Variants in KAZN observed in about 807,000 individuals in gnomAD.
KAZN encodes the protein kazrin, periplakin interacting protein.
A neutral mutation model predicts 87.4 loss-of-function variants in KAZN; 40 were observed. That is an observed-to-expected ratio of 0.46 (90% confidence interval 0.36 to 0.60). The LOEUF is 0.60. KAZN is among the 20% of genes least tolerant of loss of function. The pLI, the probability that KAZN is intolerant of heterozygous loss-of-function variation, is 0.00. For synonymous variants in KAZN, 466 were observed against 458.3 expected, an observed-to-expected ratio of 1.02 and a Z score of -0.22; for missense variants, 898 against 1,073.9, an observed-to-expected ratio of 0.84 and a Z score of 2.29.
intron 2 of KAZN, among the ~76,000 whole-genome samples, chr1:14,294,672 C>T (rs1190571801): frequency 3.5e-5 from 5 of 142,612 alleles, no homozygotes; most frequent in Non-Finnish European, 7.7e-5. Context: ...GGGTTTTTGC[C>T]AGGGAAACTG....
At chr1:15,103,562 A>AAATCACAT (rs1157699529) in intron 12 of KAZN, 102 bp downstream of exon 12, 3 of 793,344 alleles carry the variant, frequency 3.8e-6, no homozygotes, top group African/African-American at 3.4e-5. Context: ...ATCAATATGC[A>AAATCACAT]GATCTCATGC....
intron 1 of KAZN, among the ~76,000 whole-genome samples, chr1:14,756,620 G>A (rs1644573814): frequency 6.6e-6 from 1 of 152,186 alleles, no homozygotes; most frequent in Non-Finnish European, 1.5e-5. Flanking sequence ...CTGTTTCATT[G>A]GATGTAGCAC....
intron 1 of KAZN, among the ~76,000 whole-genome samples, chr1:13,990,651 T>G (rs543599402): frequency 2.5e-4 from 38 of 152,272 alleles, no homozygotes; most frequent in Non-Finnish European, 4.6e-4. Flanking sequence ...ATGATACACT[T>G]AAGAGTTTTT....
chr1:15,107,219 A>G (rs973212145), intron 13 of KAZN, among the ~76,000 whole-genome samples: 17 of 152,186 alleles, frequency 1.1e-4, no homozygotes, highest in Non-Finnish European at 1.9e-4. Context: ...TGGGTGATCC[A>G]TGTCCTGCCT....
At chr1:14,115,694 C>T (rs541145802) in intron 1 of KAZN, among the ~76,000 whole-genome samples, 49 of 152,234 alleles carry the variant, frequency 3.2e-4, no homozygotes, top group African/African-American at 6.7e-4. Flanking sequence ...AATGCGGAAG[C>T]GACTTTGGAA....
At chr1:14,538,989 A>C (rs77457509) in intron 2 of KAZN, among the ~76,000 whole-genome samples, 3,773 of 152,286 alleles carry the variant, frequency 0.025, 67 homozygotes, top group Non-Finnish European at 0.04. Flanking sequence ...TCCTCGGCAC[A>C]GTTATTCACT....
intron 1 of KAZN, among the ~76,000 whole-genome samples, chr1:14,852,405 G>A (rs1439337312): frequency 2.0e-5 from 3 of 152,192 alleles, no homozygotes; most frequent in East Asian, 3.9e-4. Flanking sequence ...GCGATCAGAC[G>A]GTGCCAGGCC....
Position 14,142,334 on chromosome 1 carries a change from T to A in KAZN, c.92-38101T>A, listed in dbSNP as rs1367795917. ...TAAAATTCCAATAAAATACACAGTC[T>A]AAAAATGTCTTAGCTTTTAGCTACC... On this transcript the variant is annotated intron_variant, in intron 1 of 16. Transcript: ENST00000636203. Among the ~76,000 whole-genome samples the A allele has an allele frequency of 3.3e-5, 5 of 152,332 alleles. No homozygotes were observed. In the East Asian group the frequency reaches 9.6e-4, roughly 29 times the overall value.
intron 1 of KAZN, among the ~76,000 whole-genome samples, chr1:14,837,399 A>G (rs757178579): frequency 6.6e-6 from 1 of 152,030 alleles, no homozygotes; most frequent in African/African-American, 2.4e-5. Context: ...GGGTTTCTCC[A>G]TGTGGGTCAG....
At chr1:14,446,580 C>A (rs1023958903) in intron 2 of KAZN, among the ~76,000 whole-genome samples, 1 of 152,170 alleles carries the variant, frequency 6.6e-6, no homozygotes, top group African/African-American at 2.4e-5. Context: ...GGGTTGGCAG[C>A]GGTGGTGGTC....
intron 1 of KAZN, among the ~76,000 whole-genome samples, chr1:14,798,656 G>A (rs529208994): frequency 6.6e-5 from 10 of 151,866 alleles, no homozygotes; most frequent in Admixed American, 6.6e-5. Context: ...AAATGGTCTC[G>A]ATCTCCCGAC....
At chr1:14,653,500 TCTCA>T (rs1638582292) in intron 1 of KAZN, among the ~76,000 whole-genome samples, 1 of 152,170 alleles carries the variant, frequency 6.6e-6, no homozygotes, top group South Asian at 2.1e-4. Context: ...GCCAGACCGG[TCTCA>T]GTTTTCCATA....
chr1:14,744,909 G>T (rs898231550), intron 1 of KAZN, among the ~76,000 whole-genome samples: 1 of 152,074 alleles, frequency 6.6e-6, no homozygotes, highest in African/African-American at 2.4e-5. Context: ...GTCACTACCT[G>T]TCCCCAAGGT....
intron 1 of KAZN, among the ~76,000 whole-genome samples, chr1:14,662,962 C>CATATAT (rs1317441585): frequency 8.2e-6 from 1 of 121,750 alleles, no homozygotes; most frequent in African/African-American, 3.2e-5. Flanking sequence ...TATATATGCA[C>CATATAT]ACATATATAT....
At chr1:14,927,968 A>C (rs555819357) in intron 1 of KAZN, among the ~76,000 whole-genome samples, 1 of 134,884 alleles carries the variant, frequency 7.4e-6, no homozygotes, top group East Asian at 1.9e-4. Context: ...CCTTGTCTTC[A>C]TGGGTCCTCC....
intron 2 of KAZN, among the ~76,000 whole-genome samples, chr1:14,544,205 C>A (rs1238331659): frequency 2.0e-5 from 3 of 151,730 alleles, no homozygotes; most frequent in Admixed American, 1.3e-4. Flanking sequence ...TTGGAAAATG[C>A]CTTGAATAGA....
chr1:14,997,197 TTTCTTTCATTTATTTATTTATTTA>T (rs1333215911), intron 2 of KAZN, among the ~76,000 whole-genome samples: 1 of 129,512 alleles, frequency 7.7e-6, no homozygotes, highest in Non-Finnish European at 1.6e-5. Flanking sequence ...CTTTTCTTTC[TTTCTTTCATTTATTTATTTATTTA>T]TTTATTTATT....
chr1:14,010,712 A>G (rs949806694), intron 1 of KAZN, among the ~76,000 whole-genome samples: 4 of 152,248 alleles, frequency 2.6e-5, no homozygotes, highest in Non-Finnish European at 4.4e-5. Context: ...CCAGGTGGCC[A>G]GACATGTACT....
rs556877845 is a variant in KAZN at position 14,134,564 on chromosome 1, AG to A, written c.92-45869del. Among the ~76,000 whole-genome samples the A allele has an allele frequency of 1.1e-3, 165 of 152,352 alleles. 1 individual carries two copies. Among genetic ancestry groups the A allele is most frequent in the African/African-American group, 3.7e-3 (153 of 41,594 alleles). On this transcript the variant is annotated intron_variant, in intron 1 of 16. Coordinates refer to the KAZN transcript ENST00000636203. ...GGCAGGTGCTCTTGGCTATTATCCT[AG>A]GACTTAGTAAAAGATCATTTTATTG...
Sources: gnomAD v4.1 joint callset for allele counts (sites outside exome capture counted in the v4.1 genomes callset) on GRCh38, gnomAD v4.1.1 for gene constraint, MANE v1.5 for transcripts, NCBI Gene and HGNC (gene_info 2026-07-23, HGNC 2026-07-21) for gene names.